SRRM3: variants seen among roughly 807,000 people sequenced by gnomAD.
SRRM3 encodes serine/arginine repetitive matrix 3, also known as serine/arginine repetitive matrix protein 3.
A neutral mutation model predicts 66.2 loss-of-function variants in SRRM3; 27 were observed. The observed-to-expected ratio is 0.41, with a 90% CI of 0.30 to 0.56. The LOEUF (loss-of-function observed/expected upper bound fraction) is 0.56, where lower values mean the gene tolerates loss of function less well. Among genes scored for constraint, SRRM3 ranks in the 20% least tolerant of loss-of-function variants. The probability of loss-of-function intolerance (pLI) is 0.32; values close to 1 mark genes in which losing one functional copy is unlikely to be tolerated. For synonymous variants in SRRM3, 391 were observed against 414.9 expected (o/e 0.94, Z 0.70); for missense variants, 918 against 991.9 (o/e 0.93, Z 1.00).
chr7:76,242,254 G>A (rs1278573474), intron 2 of SRRM3, among the ~76,000 whole-genome samples: 1 of 152,208 alleles, frequency 6.6e-6, no homozygotes, highest in Non-Finnish European at 1.5e-5. Context: ...GGAGGCTGAG[G>A]TGGGTGGATC....
chr7:76,264,230 C>T (rs930697012), intron 8 of SRRM3, among the ~76,000 whole-genome samples: 1 of 149,752 alleles, frequency 6.7e-6, no homozygotes, highest in Non-Finnish European at 1.5e-5. Context: ...TGCAAAGGCG[C>T]GATCTCAGCT....
At chr7:76,218,627 C>G (rs1554602878) in intron 1 of SRRM3, among the ~76,000 whole-genome samples, 1 of 149,896 alleles carries the variant, frequency 6.7e-6, no homozygotes, top group Admixed American at 6.7e-5. Context: ...GTTCTGGCCT[C>G]TACAGATCTG....
chr7:76,202,807 C>G (rs568836766), intron 1 of SRRM3, among the ~76,000 whole-genome samples: 1 of 152,278 alleles, frequency 6.6e-6, no homozygotes, highest in East Asian at 1.9e-4. Flanking sequence ...GCCTCCCCCT[C>G]CCTCCCAGGG....
At chr7:76,242,887 T>C (rs947902374) in intron 2 of SRRM3, among the ~76,000 whole-genome samples, 72 of 152,242 alleles carry the variant, frequency 4.7e-4, no homozygotes, top group African/African-American at 1.7e-3. Context: ...CAGGTGAAGC[T>C]TTGCCCCCTT....
Position 76,282,692 on chromosome 7 carries a change from C to A in SRRM3, c.1415C>A (p.Pro472Gln), listed in dbSNP as rs782574675. Residue 472 changes from proline (P) to glutamine (Q), a missense_variant, in exon 13 of 15, where the codon CCG becomes CAG. Transcript: ENST00000611745. Reference sequence around the variant, plus strand: ...CGCGCGCGGCCCGCCAGCACCTCTCCGTCCCCGGGCGCGCACGGCCGGCGC... The same window carrying A: ...CGCGCGCGGCCCGCCAGCACCTCTCAGTCCCCGGGCGCGCACGGCCGGCGC... Reference protein sequence around the residue: ...PPRARPASTSPSPGAHGRRGG... With the variant: ...PPRARPASTSQSPGAHGRRGG... 2 of 1,421,048 alleles carry A rather than the reference C, an allele frequency of 1.4e-6. No homozygotes were observed. The highest frequency in any genetic ancestry group is 1.5e-5 in the African/African-American group (1 of 66,648). 88.0% of individuals were successfully genotyped at this position (1,421,048 alleles called of 1,614,324 possible).
intron 14 of SRRM3, among the ~76,000 whole-genome samples, chr7:76,284,653 G>A (rs907034288): frequency 6.6e-6 from 1 of 152,146 alleles, no homozygotes; most frequent in African/African-American, 2.4e-5. Flanking sequence ...CGTAGGCCAG[G>A]CCCTCACACC....
intron 12 of SRRM3, among the ~76,000 whole-genome samples, chr7:76,282,377 A>G (rs114923380): frequency 0.016 from 708 of 43,010 alleles, 5 homozygotes; most frequent in African/African-American, 0.059. Context: ...CTCTCCTCCC[A>G]TGAGGCTCCC....
At chr7:76,259,618 T>C (rs984634368) in intron 3 of SRRM3, among the ~76,000 whole-genome samples, 4 of 149,676 alleles carry the variant, frequency 2.7e-5, no homozygotes, top group East Asian at 2.0e-4. Context: ...CTTACTGAGA[T>C]GGTGAGAACT....
intron 2 of SRRM3, among the ~76,000 whole-genome samples, chr7:76,242,822 T>C (rs1801343586): frequency 6.6e-6 from 1 of 152,166 alleles, no homozygotes; most frequent in Non-Finnish European, 1.5e-5. Flanking sequence ...ACCACTGATC[T>C]GATAGGAGGT....
chr7:76,221,404 C>T (rs1554603188), intron 1 of SRRM3, among the ~76,000 whole-genome samples: 1 of 142,602 alleles, frequency 7.0e-6, no homozygotes, highest in Non-Finnish European at 1.5e-5. Flanking sequence ...GCTCTGTCGC[C>T]CAGGCTGGAG....
chr7:76,278,852 C>T (rs544204199), intron 11 of SRRM3, among the ~76,000 whole-genome samples: 12 of 152,342 alleles, frequency 7.9e-5, no homozygotes, highest in African/African-American at 2.9e-4. Context: ...AGCACCTTGC[C>T]CTCTGTAGGA....
At chr7:76,263,892 A>T (rs1801945078) in intron 8 of SRRM3, among the ~76,000 whole-genome samples, 1 of 149,228 alleles carries the variant, frequency 6.7e-6, no homozygotes, top group Non-Finnish European at 1.5e-5. Context: ...AAAAAAAAAA[A>T]AAAAAAAAAA....
chr7:76,224,871 C>A (rs1338323829), intron 1 of SRRM3, among the ~76,000 whole-genome samples: 2 of 152,058 alleles, frequency 1.3e-5, no homozygotes, highest in Non-Finnish European at 2.9e-5. Flanking sequence ...GAGGACTTCC[C>A]GAGTAAAAAG....
intron 3 of SRRM3, among the ~76,000 whole-genome samples, chr7:76,258,847 G>A (rs1163771771): frequency 3.3e-5 from 5 of 151,372 alleles, no homozygotes; most frequent in Admixed American, 1.3e-4. Context: ...ATCTGAGATC[G>A]GGAGTTCCAT....
In SRRM3 at chr7:76,239,093, CACGATCTCGGCTT is replaced by C. The variant is rs1801219255; in HGVS notation, c.233+3797_233+3809del. On this transcript the variant is annotated intron_variant, in intron 2 of 14. Transcript: ENST00000611745. ...TGTTGCCCAGGCTGGAGTGAAATGG[CACGATCTCGGCTT>C]ACTGCAACCTCCACCTCCCAGGTTC... 1.3e-5 allele frequency among the ~76,000 whole-genome samples: 2 copies of C among 152,136 alleles called. 1 individual carries two copies. Among genetic ancestry groups the C allele is most frequent in the South Asian group, 4.1e-4 (2 of 4,826 alleles).
chr7:76,221,899 CT>C (rs1331021155), intron 1 of SRRM3, among the ~76,000 whole-genome samples: 4 of 152,212 alleles, frequency 2.6e-5, no homozygotes, highest in African/African-American at 9.7e-5. Context: ...ATGCATAGAG[CT>C]TATCGCCTAC....
chr7:76,244,434 G>T (rs1468656628), intron 2 of SRRM3, among the ~76,000 whole-genome samples: 2 of 150,300 alleles, frequency 1.3e-5, no homozygotes, highest in Non-Finnish European at 2.9e-5. Flanking sequence ...CTAAGGAGGA[G>T]AATTGCTTGA....
intron 1 of SRRM3, among the ~76,000 whole-genome samples, chr7:76,232,654 G>T (rs1801043806): frequency 6.6e-6 from 1 of 152,154 alleles, no homozygotes; most frequent in Non-Finnish European, 1.5e-5. Context: ...CCTATGAGCG[G>T]TGACTTTGAG....
chr7:76,206,997 A>G (rs1394516327), intron 1 of SRRM3, among the ~76,000 whole-genome samples: 1 of 152,204 alleles, frequency 6.6e-6, no homozygotes, highest in African/African-American at 2.4e-5. Flanking sequence ...CTCCTAGTCC[A>G]GCACTCCCTC....
Sources: gnomAD v4.1 joint callset for allele counts (sites outside exome capture counted in the v4.1 genomes callset) on GRCh38, gnomAD v4.1.1 for gene constraint, MANE v1.5 for transcripts, NCBI Gene and HGNC (gene_info 2026-07-23, HGNC 2026-07-21) for gene names.